The following CEP135 variants were observed in gnomAD, a reference collection of about 807,000 sequenced individuals.
The protein encoded by CEP135 is centrosomal protein of 135 kDa.
CEP135 carries 142 observed loss-of-function variants against 157.3 expected under a neutral mutation model. The ratio of observed to expected loss-of-function variants is 0.90; its 90% CI spans 0.79 to 1.04. The LOEUF (loss-of-function observed/expected upper bound fraction) is 1.04. Among genes scored for constraint, CEP135 ranks in the 50% least tolerant of loss-of-function variants. CEP135 has a pLI of 0.00. For missense variants in CEP135, 1,317 were observed against 1,309.2 expected (o/e 1.01, Z -0.09); for synonymous variants, 396 against 439.8 (o/e 0.90, Z 1.25).
chr4:56,021,784 G>T (rs998195554), intron 24 of CEP135, among the ~76,000 whole-genome samples: 1 of 152,184 alleles, frequency 6.6e-6, no homozygotes, highest in Admixed American at 6.5e-5. Context: ...CAGCACTTTG[G>T]GAGGCCAAGG....
chr4:55,991,942 C>T lies in CEP135; in HGVS notation c.1866C>T (p.Ser622=), dbSNP rs376553815. Residue 622 remains serine, a synonymous_variant, in exon 15 of 26, where the codon AGC becomes AGT. Transcript: ENST00000257287. Reference sequence around the variant, plus strand: ...TTTTATTTAAATTATAGCTTGAAAGCGAAAAATATGAATTAAAGTCTAAAG... The same window carrying T: ...TTTTATTTAAATTATAGCTTGAAAGTGAAAAATATGAATTAAAGTCTAAAG... ...HLTCVNHQLE[S]EKYELKSKVL... The T allele has an allele frequency of 8.2e-6, 12 of 1,456,890 alleles. No homozygotes were observed. Among genetic ancestry groups the T allele is most frequent in the African/African-American group, 5.8e-5 (4 of 68,702 alleles). The allele number at this position is 1,456,890 out of a possible 1,614,324, so 90.2% of individuals were successfully genotyped here. A position where few individuals can be genotyped will look rare whatever the true frequency, so the allele number is the denominator to read the frequency against.
intron 15 of CEP135, among the ~76,000 whole-genome samples, chr4:55,992,455 T>A (rs578161219): frequency 2.6e-5 from 4 of 152,328 alleles, no homozygotes; most frequent in African/African-American, 9.6e-5. Flanking sequence ...CCTATGCCAT[T>A]TTCTTTCTCT....
chr4:56,013,746 A>G (rs370859367), intron 21 of CEP135, among the ~76,000 whole-genome samples: 2 of 152,298 alleles, frequency 1.3e-5, no homozygotes, highest in South Asian at 2.1e-4. Flanking sequence ...TATAATTTTT[A>G]TCTTTCAGGA....
chr4:56,011,790 A>C lies in CEP135; in HGVS notation c.2617-10A>C. ...CTAATTTAGAAACAATTTTATTGTG[A>C]TTAAACCAGGAAAAAGAAAATCAAG... On this transcript the variant is annotated splice_polypyrimidine_tract_variant and intron_variant, in intron 20 of 25. Transcript: ENST00000257287. 1 of 1,567,180 alleles carries C rather than the reference A, an allele frequency of 6.4e-7. No individual in the cohort carries two copies. The highest frequency in any genetic ancestry group is 8.6e-7 in the Non-Finnish European group (1 of 1,162,676).
intron 10 of CEP135, among the ~76,000 whole-genome samples, chr4:55,972,901 G>A (rs1037621237): frequency 6.6e-6 from 1 of 152,010 alleles, no homozygotes; most frequent in East Asian, 1.9e-4. Flanking sequence ...GCGTGGTGGT[G>A]GGTGCCTGTA....
chr4:56,010,333 G>C (rs987325370), intron 19 of CEP135, among the ~76,000 whole-genome samples: 9 of 143,018 alleles, frequency 6.3e-5, no homozygotes, highest in African/African-American at 2.4e-4. Flanking sequence ...CTGCACTCCA[G>C]CCTGGGCAAC....
chr4:55,963,001 C>G (rs1022879668), intron 6 of CEP135, among the ~76,000 whole-genome samples: 1 of 152,054 alleles, frequency 6.6e-6, no homozygotes, highest in African/African-American at 2.4e-5. Context: ...TTGTACTGAA[C>G]TTTTTCTCTT....
intron 23 of CEP135, 38 bp from the exon 24 acceptor site, chr4:56,020,637 CG>C: frequency 1.3e-6 from 2 of 1,561,034 alleles, no homozygotes; most frequent in Non-Finnish European, 1.8e-6. Flanking sequence ...CTCTACAAAA[CG>C]GAACGTTTAT....
intron 11 of CEP135, among the ~76,000 whole-genome samples, chr4:55,977,303 T>G (rs563354711): frequency 6.6e-6 from 1 of 152,314 alleles, no homozygotes; most frequent in South Asian, 2.1e-4. Context: ...AATTCTCTAT[T>G]CCCTGTGTAG....
At position 56,008,328 on chromosome 4, in the gene CEP135, A is replaced by G. The variant is rs762314421; in HGVS notation, c.2282A>G (p.Glu761Gly). The change falls in exon 18 of 26, where the codon GAA (glutamate) becomes GGA (glycine). Residue 761 changes from glutamate (E) to glycine (G), a missense_variant and splice_region_variant. Coordinates refer to ENST00000257287, the MANE Select transcript of CEP135 (RefSeq NM_025009.5). ...ANLQENLANKEKAVAQMKIMI... is the reference protein window; with the variant it reads ...ANLQENLANKGKAVAQMKIMI... ...TACACATTTTTGTAATTTCTATAGG[A>G]AAAAGCTGTTGCTCAAATGAAGATA... is the stretch of plus-strand genomic sequence containing the variant. 3.1e-6 allele frequency: 5 copies of G among 1,606,302 alleles called. No individual in the cohort carries two copies. The African/African-American group carries it at 6.7e-5, about 21-fold the overall frequency.
chr4:55,990,948 A>G (rs1407874092), intron 14 of CEP135, among the ~76,000 whole-genome samples: 1 of 151,912 alleles, frequency 6.6e-6, no homozygotes, highest in East Asian at 1.9e-4. Flanking sequence ...GCGCATTTGT[A>G]TGTGAAATCT....
At chr4:55,984,207 A>T (rs1184169771) in intron 13 of CEP135, among the ~76,000 whole-genome samples, 2 of 152,198 alleles carry the variant, frequency 1.3e-5, no homozygotes, top group Admixed American at 1.3e-4. Flanking sequence ...CTTTCCTCTA[A>T]ACTCATCTCC....
At chr4:56,005,697 A>T (rs1577902469) in intron 17 of CEP135, among the ~76,000 whole-genome samples, 1 of 152,186 alleles carries the variant, frequency 6.6e-6, no homozygotes, top group Admixed American at 6.5e-5. Flanking sequence ...TGGGTTTTAT[A>T]CCTTCAAATG....
At chr4:56,030,087 C>T (rs749024531) in intron 25 of CEP135, among the ~76,000 whole-genome samples, 3 of 152,084 alleles carry the variant, frequency 2.0e-5, no homozygotes, top group African/African-American at 4.8e-5. Context: ...ACACATTATC[C>T]TAGGCCCACA....
At chr4:55,991,002 G>A (rs1427261703) in intron 14 of CEP135, among the ~76,000 whole-genome samples, 1 of 151,070 alleles carries the variant, frequency 6.6e-6, no homozygotes, top group Non-Finnish European at 1.5e-5. Context: ...TTGAGACAGA[G>A]TCTCACTCTG....
intron 1 of CEP135, among the ~76,000 whole-genome samples, chr4:55,949,730 T>C (rs902316862): frequency 3.9e-5 from 6 of 152,248 alleles, no homozygotes; most frequent in Non-Finnish European, 4.4e-5. Flanking sequence ...TAACCTTTTA[T>C]GTTGCTTTGC....
At position 56,031,346 on chromosome 4, in the gene CEP135, T is replaced by A. The variant is rs1731343207; in HGVS notation, c.*12-14T>A. On this transcript the variant is annotated splice_polypyrimidine_tract_variant and intron_variant, in intron 25 of 25. Coordinates refer to ENST00000257287, the MANE Select transcript of CEP135 (RefSeq NM_025009.5). Reference sequence around the variant, plus strand: ...TTTTTCTCTTAACCCACCTTTCAATTTCCTCCCTTTCAGAATAATGGCTTT... The same window carrying A: ...TTTTTCTCTTAACCCACCTTTCAATATCCTCCCTTTCAGAATAATGGCTTT... The A allele has an allele frequency of 1.3e-5, 2 of 152,582 alleles. No homozygotes were observed. Among genetic ancestry groups the A allele is most frequent in the African/African-American group, 4.8e-5 (2 of 41,446 alleles). The allele number at this position is 152,582 out of a possible 1,614,324, so 9.5% of individuals were successfully genotyped here. A position where few individuals can be genotyped will look rare whatever the true frequency, so the allele number is the denominator to read the frequency against.
At chr4:55,958,432 G>A (rs2109646265) in intron 5 of CEP135, among the ~76,000 whole-genome samples, 1 of 152,228 alleles carries the variant, frequency 6.6e-6, no homozygotes, top group Non-Finnish European at 1.5e-5. Context: ...AAGACCCTTT[G>A]AGCTACTGAT....
intron 24 of CEP135, among the ~76,000 whole-genome samples, chr4:56,022,254 C>G (rs1016569921): frequency 6.6e-6 from 1 of 152,152 alleles, no homozygotes; most frequent in Non-Finnish European, 1.5e-5. Flanking sequence ...AGTTCCTCCC[C>G]TTGTTCCTTG....
Sources: gnomAD v4.1 joint callset for allele counts (sites outside exome capture counted in the v4.1 genomes callset) on GRCh38, gnomAD v4.1.1 for gene constraint, MANE v1.5 for transcripts, NCBI Gene and HGNC (gene_info 2026-07-23, HGNC 2026-07-21) for gene names.